Variants in TLCD4 observed in about 807,000 individuals in gnomAD.
The protein encoded by TLCD4 is TLC domain-containing protein 4.
In TLCD4, 7 loss-of-function variants were observed where a neutral mutation model predicts 24.2. The ratio of observed to expected loss-of-function variants is 0.29; its 90% CI spans 0.16 to 0.54. The LOEUF (loss-of-function observed/expected upper bound fraction) is 0.54, where lower values mean the gene tolerates loss of function less well. TLCD4 is among the 20% of genes least tolerant of loss of function. The pLI, the probability that TLCD4 is intolerant of heterozygous loss-of-function variation, is 0.95. For synonymous variants in TLCD4, 103 were observed against 106.4 expected (o/e 0.97, Z 0.20); for missense variants, 259 against 313.9 (o/e 0.82, Z 1.32).
chr1:95,174,018 A>T, intron 6 of TLCD4, 129 bp downstream of exon 6: 1 of 1,308,864 alleles, frequency 7.6e-7, no homozygotes, highest in Non-Finnish European at 1.0e-6. Context: ...TGTTATCACC[A>T]TCATACAAAT....
chr1:95,106,080 A>C, the TLCD4 span, among the ~76,000 whole-genome samples: 1 of 152,104 alleles, frequency 6.6e-6, no homozygotes, highest in Non-Finnish European at 1.5e-5. Context: ...AGCCATAGCC[A>C]TATGGAGAGA....
chr1:95,166,672 C>T (rs188482316), intron 5 of TLCD4, among the ~76,000 whole-genome samples: 2 of 152,100 alleles, frequency 1.3e-5, no homozygotes, highest in Non-Finnish European at 2.9e-5. Context: ...ATGATTGCAC[C>T]TAGGCAGGAA....
chr1:95,150,186 A>G (rs1167060157), intron 3 of TLCD4, 22 bp from the exon 4 acceptor site: 1 of 1,599,440 alleles, frequency 6.3e-7, no homozygotes. Flanking sequence ...TACTTTAAAA[A>G]GGAACCTTTT....
chr1:95,133,844 C>G (rs1412670919), intron 1 of TLCD4, among the ~76,000 whole-genome samples: 1 of 151,858 alleles, frequency 6.6e-6, no homozygotes, highest in African/African-American at 2.4e-5. Context: ...GGACTCATTG[C>G]TGAGTAAATA....
At chr1:95,180,601 G>C (rs956054856) in intron 6 of TLCD4, among the ~76,000 whole-genome samples, 1 of 152,158 alleles carries the variant, frequency 6.6e-6, no homozygotes, top group African/African-American at 2.4e-5. Context: ...TTAGACACCT[G>C]GGCTTCAGTG....
upstream of TLCD4, among the ~76,000 whole-genome samples, chr1:95,115,088 T>TTA (rs71588543): frequency 0.2 from 28,787 of 143,660 alleles, 3,156 homozygotes; most frequent in East Asian, 0.4. Flanking sequence ...TATATACACA[T>TTA]TATATATATA....
At chr1:95,139,125 T>C (rs745819040) in intron 1 of TLCD4, among the ~76,000 whole-genome samples, 12 of 141,400 alleles carry the variant, frequency 8.5e-5, no homozygotes, top group Non-Finnish European at 1.5e-4. Flanking sequence ...TAGTGAGCTA[T>C]GATTGTGCCA....
At chr1:95,175,597 A>ATGAG (rs1678392558) in intron 6 of TLCD4, among the ~76,000 whole-genome samples, 1 of 152,112 alleles carries the variant, frequency 6.6e-6, no homozygotes, top group East Asian at 1.9e-4. Flanking sequence ...TAATTTTTTG[A>ATGAG]TGAACCTTCA....
chr1:95,144,786 G>C (rs1677302655), intron 2 of TLCD4, among the ~76,000 whole-genome samples: 1 of 151,998 alleles, frequency 6.6e-6, no homozygotes, highest in Non-Finnish European at 1.5e-5. Context: ...TGCCTCCCAG[G>C]TTCCAGTGAT....
chr1:95,134,497 G>A (rs982599563), intron 1 of TLCD4, among the ~76,000 whole-genome samples: 7 of 152,264 alleles, frequency 4.6e-5, no homozygotes, highest in Admixed American at 3.9e-4. Flanking sequence ...GAGAAGAGGG[G>A]TGTCTTCAGC....
intron 1 of TLCD4, among the ~76,000 whole-genome samples, chr1:95,132,357 T>G (rs1421450020): frequency 6.7e-6 from 1 of 149,824 alleles, no homozygotes; most frequent in Non-Finnish European, 1.5e-5. Flanking sequence ...TGCTGGAGGC[T>G]GAGGCACGAG....
At chr1:95,118,600 TCA>T (rs1557675047) in intron 1 of TLCD4, among the ~76,000 whole-genome samples, 1 of 152,188 alleles carries the variant, frequency 6.6e-6, no homozygotes, top group African/African-American at 2.4e-5. Context: ...CTTTACGCAG[TCA>T]TAAATGGAGT....
At chr1:95,150,103 A>G in intron 3 of TLCD4, 105 bp from the exon 4 acceptor site, 1 of 1,397,036 alleles carries the variant, frequency 7.2e-7, no homozygotes, top group African/African-American at 1.5e-5. Flanking sequence ...ACCATTTGAG[A>G]ATCTATAGAA....
Position 95,151,303 on chromosome 1 carries a change from TACTC to T in TLCD4, c.305-18_305-15del, listed in dbSNP as rs1175692370. 15 of 1,610,524 alleles carry T rather than the reference TACTC, an allele frequency of 9.3e-6. No individual in the cohort carries two copies. Among genetic ancestry groups the T allele is most frequent in the Non-Finnish European group, 1.3e-5 (15 of 1,177,376 alleles). ...GCAACTTTCTTCTTATGTAATACCT[TACTC>T]ACTTTTCTTTCTTACAGATTTGTCC... On this transcript the variant is annotated intron_variant, in intron 4 of 6. Coordinates refer to ENST00000370203, the MANE Select transcript of TLCD4 (RefSeq NM_152487.3).
the TLCD4 span, among the ~76,000 whole-genome samples, chr1:95,098,261 C>T: frequency 2.0e-5 from 3 of 152,156 alleles, no homozygotes; most frequent in Non-Finnish European, 4.4e-5. Flanking sequence ...CACTAGTCCT[C>T]GCTGCCTCAT....
In TLCD4 at chr1:95,145,279, A is replaced by G. The variant is rs117442642; in HGVS notation, c.155+1223A>G. Among the ~76,000 whole-genome samples, 27 of 152,340 alleles carry G rather than the reference A, an allele frequency of 1.8e-4. 1 individual carries two copies. The East Asian group carries it at 5.2e-3, about 29-fold the overall frequency. On this transcript the variant is annotated intron_variant, in intron 2 of 6. Coordinates refer to ENST00000370203, the MANE Select transcript of TLCD4 (RefSeq NM_152487.3). ...GAAATTTCCTTTTAAAATTCAAGAA[A>G]TTCTGTCAGTGTCTGAGTATTTATT...
the TLCD4 span, among the ~76,000 whole-genome samples, chr1:95,093,729 C>T: frequency 5.3e-5 from 8 of 152,192 alleles, no homozygotes; most frequent in African/African-American, 1.9e-4. Context: ...GTATGTCCAA[C>T]CAGGATTCTC....
Position 95,193,535 on chromosome 1 carries a change from C to T in TLCD4, c.*1667C>T, listed in dbSNP as rs563526976. 1 of 151,964 alleles carries T rather than the reference C, an allele frequency of 6.6e-6. No individual in the cohort carries two copies. Among genetic ancestry groups the T allele is most frequent in the African/African-American group, 2.4e-5 (1 of 41,412 alleles). 9.4% of individuals were successfully genotyped at this position (151,964 alleles called of 1,614,324 possible). On this transcript the variant is annotated 3_prime_UTR_variant, in exon 7 of 7. Coordinates refer to ENST00000370203, the MANE Select transcript of TLCD4 (RefSeq NM_152487.3). ...TCCAGTTTCTCAGTTTGAAGGAGAA[C>T]GTTTGACTCACTTTCATTGTTCATG... is the stretch of plus-strand genomic sequence containing the variant.
At chr1:95,115,137 C>T (rs61773100), upstream of TLCD4, among the ~76,000 whole-genome samples, 3,806 of 148,152 alleles carry the variant, frequency 0.026, 73 homozygotes, top group Middle Eastern at 0.098. Flanking sequence ...GACAGAGTTT[C>T]GCTCTTATTG....
Sources: allele counts gnomAD v4.1 joint callset (sites outside exome capture counted in the v4.1 genomes callset), GRCh38; gene constraint gnomAD v4.1.1; transcripts MANE v1.5; gene names NCBI Gene and HGNC (gene_info 2026-07-23, HGNC 2026-07-21).